Variants in ATP6V1E2 observed in about 807,000 individuals in gnomAD.
ATP6V1E2 encodes V-type proton ATPase subunit E 2.
For missense variants in ATP6V1E2, 308 were observed against 273.3 expected (o/e 1.13, Z -0.90); for synonymous variants, 121 against 104.2 (o/e 1.16, Z -0.98).
intron 4 of ATP6V1E2, among the ~76,000 whole-genome samples, chr2:46,521,103 G>A (rs78491701): frequency 0.011 from 1,696 of 152,224 alleles, 36 homozygotes; most frequent in African/African-American, 0.04. Flanking sequence ...TTTAGAAATG[G>A]GTCTCACCAT....
chr2:46,521,604 A>T (rs1013696828), intron 4 of ATP6V1E2, among the ~76,000 whole-genome samples: 2 of 152,162 alleles, frequency 1.3e-5, no homozygotes, highest in African/African-American at 4.8e-5. Context: ...GTGGGTGAGA[A>T]AATGTAGAGA....
intron 4 of ATP6V1E2, among the ~76,000 whole-genome samples, chr2:46,528,568 G>C (rs1264844781): frequency 6.6e-6 from 1 of 152,244 alleles, no homozygotes. Flanking sequence ...CCTCATGAGG[G>C]TGGAAACCAG....
intron 4 of ATP6V1E2, among the ~76,000 whole-genome samples, chr2:46,533,203 GTAGA>G (rs72186652): frequency 0.41 from 61,062 of 148,070 alleles, 13,233 homozygotes; most frequent in East Asian, 0.77. Flanking sequence ...GCATGTATGT[GTAGA>G]TAGATAGATA....
intron 4 of ATP6V1E2, among the ~76,000 whole-genome samples, chr2:46,531,101 T>C (rs1473759617): frequency 6.6e-6 from 1 of 152,220 alleles, no homozygotes; most frequent in Non-Finnish European, 1.5e-5. Context: ...TGTACAACCA[T>C]TGCCTCTATC....
At chr2:46,537,377 A>T (rs1667499283) in intron 2 of ATP6V1E2, 1 of 152,246 alleles carries the variant, frequency 6.6e-6, no homozygotes, top group African/African-American at 2.4e-5. Flanking sequence ...ACTACCCACC[A>T]TGACTGGTTC....
chr2:46,531,079 C>T (rs1667159466), intron 4 of ATP6V1E2, among the ~76,000 whole-genome samples: 1 of 152,158 alleles, frequency 6.6e-6, no homozygotes, highest in South Asian at 2.1e-4. Context: ...GCATTTATTA[C>T]ATTCACAAGG....
chr2:46,518,248 G>C (rs1666387916), intron 4 of ATP6V1E2, among the ~76,000 whole-genome samples: 1 of 152,100 alleles, frequency 6.6e-6, no homozygotes, highest in Admixed American at 6.5e-5. Flanking sequence ...GCCCATGATA[G>C]AAGATTAAAT....
At chr2:46,528,877 T>A (rs1337190684) in intron 4 of ATP6V1E2, among the ~76,000 whole-genome samples, 1 of 152,214 alleles carries the variant, frequency 6.6e-6, no homozygotes, top group Non-Finnish European at 1.5e-5. Context: ...AAATATCAGA[T>A]GCTGTCTTTC....
rs746928461 is a variant in ATP6V1E2, at chr2:46,512,654, C to G, written c.58G>C (p.Glu20Gln). Residue 20 changes from glutamate (E) to glutamine (Q), a missense_variant, in exon 5 of 5, where the codon GAG (glutamate) becomes CAG (glutamine). Glu to Gln is a conservative substitution (Grantham distance 29). Coordinates refer to ENST00000522587, the MANE Select transcript of ATP6V1E2 (RefSeq NM_001318063.2). The part of the protein sequence containing the change: ...KQIKHMMAFI[E>Q]QEANEKAEEI... Reference sequence around the variant, plus strand: ...TCTGCTTTCTCATTGGCTTCCTGCTCAATGAAAGCCATCATGTGCTTAATC... The same window carrying G: ...TCTGCTTTCTCATTGGCTTCCTGCTGAATGAAAGCCATCATGTGCTTAATC... 4 of 1,614,184 alleles carry G rather than the reference C, an allele frequency of 2.5e-6. No individual in the cohort carries two copies. Among genetic ancestry groups the G allele is most frequent in the South Asian group, 2.2e-5 (2 of 91,068 alleles).
Position 46,511,861 on chromosome 2 carries a change from T to C in ATP6V1E2, c.*170A>G. On this transcript the variant is annotated 3_prime_UTR_variant, in exon 5 of 5. Coordinates refer to ENST00000522587, the MANE Select transcript of ATP6V1E2 (RefSeq NM_001318063.2). ...TGGAATTTGAATTCTGAGCATTAAT[T>C]TGGGCTTTATTTCAAAGTTAACACT... 6.9e-6 allele frequency: 4 copies of C among 583,900 alleles called. No individual in the cohort carries two copies. Among genetic ancestry groups the C allele is most frequent in the Non-Finnish European group, 1.1e-5 (4 of 353,290 alleles). The allele number at this position is 583,900 out of a possible 1,614,324, so 36.2% of individuals were successfully genotyped here.
At chr2:46,520,298 T>C (rs1446412586) in intron 4 of ATP6V1E2, among the ~76,000 whole-genome samples, 1 of 152,192 alleles carries the variant, frequency 6.6e-6, no homozygotes, top group African/African-American at 2.4e-5. Context: ...GGATGGAGAT[T>C]ATGAGCCCAC....
At chr2:46,524,415 C>G (rs1031263919) in intron 4 of ATP6V1E2, among the ~76,000 whole-genome samples, 2 of 152,160 alleles carry the variant, frequency 1.3e-5, no homozygotes, top group Non-Finnish European at 2.9e-5. Context: ...AGGCAAGTCA[C>G]CTGGAAAATG....
intron 4 of ATP6V1E2, chr2:46,519,359 C>G (rs1440728901): frequency 6.6e-6 from 1 of 152,184 alleles, no homozygotes; most frequent in African/African-American, 2.4e-5. Flanking sequence ...ATGTGAGTTG[C>G]ACGTGAAGCC....
At chr2:46,515,380 G>T (rs1687665803) in intron 4 of ATP6V1E2, among the ~76,000 whole-genome samples, 1 of 152,110 alleles carries the variant, frequency 6.6e-6, no homozygotes, top group Non-Finnish European at 1.5e-5. Flanking sequence ...ACAATGTTGG[G>T]GGGTAAAAAA....
rs1371201767 is a variant in ATP6V1E2 at position 46,527,060 on chromosome 2, G to GT, written c.-102+8752dup. On this transcript the variant is annotated intron_variant, in intron 4 of 4. Transcript: ENST00000522587. ...CTTGCTGTTTTCTGGTTTTGTTTTT[G>GT]TTTTTTTTCTTTCTTTTGTGTCTTG... 5.3e-5 allele frequency among the ~76,000 whole-genome samples: 8 copies of GT among 151,720 alleles called. No homozygotes were observed. In the South Asian group the frequency reaches 6.3e-4, roughly 12 times the overall value.
rs1321990160 is a variant in ATP6V1E2 at position 46,531,285 on chromosome 2, T to C, written c.-102+4528A>G. 2.0e-5 allele frequency among the ~76,000 whole-genome samples: 3 copies of C among 152,384 alleles called. No individual in the cohort carries two copies. In the South Asian group the frequency reaches 6.2e-4, roughly 32 times the overall value. On this transcript the variant is annotated intron_variant, in intron 4 of 4. Coordinates refer to ENST00000522587, the MANE Select transcript of ATP6V1E2 (RefSeq NM_001318063.2). ...CATGTAAATGGAAACATACAACATA[T>C]AGCATTTTGTGTCTGGCTACTTTCA...
chr2:46,522,990 C>T (rs940223820), intron 4 of ATP6V1E2, among the ~76,000 whole-genome samples: 3 of 152,142 alleles, frequency 2.0e-5, no homozygotes, highest in Admixed American at 6.5e-5. Context: ...CTTTGAAGAT[C>T]AGTGATATTC....
chr2:46,521,181 G>C (rs1236717509), intron 4 of ATP6V1E2, among the ~76,000 whole-genome samples: 1 of 152,178 alleles, frequency 6.6e-6, no homozygotes, highest in Non-Finnish European at 1.5e-5. Flanking sequence ...CAAAGTGCTG[G>C]GATTATGGCC....
At chr2:46,524,533 G>A (rs982189557) in intron 4 of ATP6V1E2, among the ~76,000 whole-genome samples, 9 of 152,124 alleles carry the variant, frequency 5.9e-5, no homozygotes, top group Non-Finnish European at 1.3e-4. Flanking sequence ...TTCAGAGAGG[G>A]CCCTGGTTTA....
Sources: allele counts gnomAD v4.1 joint callset (sites outside exome capture counted in the v4.1 genomes callset), GRCh38; gene constraint gnomAD v4.1.1; transcripts MANE v1.5; gene names NCBI Gene and HGNC (gene_info 2026-07-23, HGNC 2026-07-21).